The following STXBP5L variants were observed in gnomAD, a reference collection of about 807,000 sequenced individuals.
STXBP5L encodes syntaxin binding protein 5L.
STXBP5L carries 65 observed loss-of-function variants against 144.5 expected under a neutral mutation model. The ratio of observed to expected loss-of-function variants is 0.45; its 90% CI spans 0.37 to 0.55. The LOEUF (loss-of-function observed/expected upper bound fraction) is 0.55, where lower values mean the gene tolerates loss of function less well. Ranked by LOEUF, STXBP5L falls within the 20% of genes least tolerant of loss-of-function variation. The pLI, the probability that STXBP5L is intolerant of heterozygous loss-of-function variation, is 0.00. For synonymous variants in STXBP5L, 505 were observed against 469.6 expected, an observed-to-expected ratio of 1.08 and a Z score of -0.97; for missense variants, 1,298 against 1,405.5, an observed-to-expected ratio of 0.92 and a Z score of 1.22.
chr3:121,276,741 A>AT (rs1240468163), intron 18 of STXBP5L, among the ~76,000 whole-genome samples: 2 of 150,948 alleles, frequency 1.3e-5, no homozygotes, highest in Non-Finnish European at 2.9e-5. Context: ...CATGTAATAA[A>AT]TTTTTTTATC....
chr3:121,347,556 C>T (rs1160892807), intron 20 of STXBP5L, among the ~76,000 whole-genome samples: 1 of 152,128 alleles, frequency 6.6e-6, no homozygotes, highest in Non-Finnish European at 1.5e-5. Context: ...GGCAGTATGG[C>T]CATTTTCACG....
At chr3:120,928,290 T>C (rs1559880122) in intron 2 of STXBP5L, among the ~76,000 whole-genome samples, 1 of 151,768 alleles carries the variant, frequency 6.6e-6, no homozygotes, top group Non-Finnish European at 1.5e-5. Flanking sequence ...TGAGATGGAG[T>C]CTCACTCTGT....
At chr3:121,094,011 G>A (rs1426259799) in intron 5 of STXBP5L, among the ~76,000 whole-genome samples, 1 of 152,050 alleles carries the variant, frequency 6.6e-6, no homozygotes, top group Non-Finnish European at 1.5e-5. Context: ...CTTTATTTCT[G>A]CCTTCATTTT....
intron 20 of STXBP5L, among the ~76,000 whole-genome samples, chr3:121,345,718 G>T (rs142415085): frequency 0.023 from 3,509 of 152,078 alleles, 73 homozygotes; most frequent in South Asian, 0.04. Flanking sequence ...GCATGAGATG[G>T]TATCTCATTG....
intron 20 of STXBP5L, among the ~76,000 whole-genome samples, chr3:121,364,516 A>G (rs541740739): frequency 1.3e-5 from 2 of 151,282 alleles, no homozygotes; most frequent in Admixed American, 6.6e-5. Context: ...TAGAGGTTGC[A>G]TTGAATCCAT....
chr3:121,038,105 C>T (rs1401812125), intron 3 of STXBP5L, among the ~76,000 whole-genome samples: 1 of 151,790 alleles, frequency 6.6e-6, no homozygotes, highest in Non-Finnish European at 1.5e-5. Context: ...TTTGGTTTCA[C>T]TTTTTTTAAA....
chr3:121,313,827 CT>C (rs2043665492), intron 19 of STXBP5L, among the ~76,000 whole-genome samples: 1 of 144,654 alleles, frequency 6.9e-6, no homozygotes. Flanking sequence ...GGAGGGGCTC[CT>C]CACTTCTCAG....
chr3:121,106,236 C>G (rs1341157950), intron 5 of STXBP5L, among the ~76,000 whole-genome samples: 1 of 152,000 alleles, frequency 6.6e-6, no homozygotes, highest in Non-Finnish European at 1.5e-5. Flanking sequence ...TAATCTGGGA[C>G]AATACATTTT....
At chr3:121,401,841 A>T in intron 22 of STXBP5L, among the ~76,000 whole-genome samples, 1 of 144,296 alleles carries the variant, frequency 6.9e-6, no homozygotes. Context: ...ACATGTATAC[A>T]TATGTAACTA....
chr3:121,221,842 AT>A (rs2048981693), intron 10 of STXBP5L, among the ~76,000 whole-genome samples: 2 of 151,768 alleles, frequency 1.3e-5, no homozygotes, highest in Admixed American at 1.3e-4. Flanking sequence ...TAATACACAC[AT>A]TTTATATGTA....
At chr3:121,369,750 C>T (rs140929356) in intron 20 of STXBP5L, among the ~76,000 whole-genome samples, 1 of 152,274 alleles carries the variant, frequency 6.6e-6, no homozygotes, top group East Asian at 1.9e-4. Flanking sequence ...CCTATCCTTT[C>T]TCTCCAGCTG....
At chr3:121,103,472 A>G (rs181365725) in intron 5 of STXBP5L, among the ~76,000 whole-genome samples, 1 of 152,220 alleles carries the variant, frequency 6.6e-6, no homozygotes, top group East Asian at 1.9e-4. Context: ...TCAAGTATAC[A>G]TCGGAGCTAA....
At position 120,952,010 on chromosome 3, in the gene STXBP5L, A is replaced by G. The variant is rs555857258; in HGVS notation, c.190-2930A>G. Among the ~76,000 whole-genome samples, 682 of 151,926 alleles carry G rather than the reference A, an allele frequency of 4.5e-3. 5 individuals are homozygous for G. Among genetic ancestry groups the G allele is most frequent in the Non-Finnish European group, 7.7e-3 (522 of 67,988 alleles). ...ATGAGTTCATGTCCTTTGTAGGGAC[A>G]TGGATGAAACTGGAAATCATCATTC... On this transcript the variant is annotated intron_variant, in intron 2 of 26. Transcript: ENST00000471454.
At chr3:121,232,205 G>A (rs2049332166) in intron 11 of STXBP5L, among the ~76,000 whole-genome samples, 1 of 152,072 alleles carries the variant, frequency 6.6e-6, no homozygotes, top group South Asian at 2.1e-4. Flanking sequence ...CAAGTTCCAA[G>A]TTCCCAGTCA....
In STXBP5L at chr3:121,378,842, A is replaced by C; in HGVS notation, c.2303A>C (p.Gln768Pro). 1 of 1,613,766 alleles carries C rather than the reference A, an allele frequency of 6.2e-7. No homozygotes were observed. The highest frequency in any genetic ancestry group is 8.5e-7 in the Non-Finnish European group (1 of 1,179,814). Residue 768 changes from glutamine to proline, a missense_variant, in exon 21 of 27, where the codon CAG becomes CCG. Physicochemically the swap from Gln to Pro is moderately conservative, Grantham distance 76. Transcript: ENST00000471454. ...GPGRPPFRKAQSAACMEISLP... is the reference protein window; with the variant it reads ...GPGRPPFRKAPSAACMEISLP... ...GGAAGACCACCATTTCGAAAGGCCC[A>C]GTCAGCAGCCTGCATGGAGATTTCT... is the stretch of plus-strand genomic sequence containing the variant.
chr3:121,070,805 T>C (rs1198380182), intron 5 of STXBP5L, among the ~76,000 whole-genome samples: 5 of 152,226 alleles, frequency 3.3e-5, no homozygotes, highest in Admixed American at 3.3e-4. Context: ...ACAGGCCTTT[T>C]ATGCGAGTAC....
At chr3:121,145,616 GAATAAAGAACCACAAACGTGTTAA>G (rs1362378821) in intron 7 of STXBP5L, among the ~76,000 whole-genome samples, 1 of 151,772 alleles carries the variant, frequency 6.6e-6, no homozygotes, top group East Asian at 1.9e-4. Flanking sequence ...ATGAAGAAAA[GAATAAAGAACCACAAACGTGTTAA>G]ACTAAGGAAA....
chr3:121,362,731 T>A (rs1053441371), intron 20 of STXBP5L, among the ~76,000 whole-genome samples: 1 of 152,116 alleles, frequency 6.6e-6, no homozygotes, highest in Non-Finnish European at 1.5e-5. Flanking sequence ...TCCTCCTCTG[T>A]GGCTGTGCTG....
chr3:120,995,295 G>A (rs1350082126), intron 3 of STXBP5L, among the ~76,000 whole-genome samples: 1 of 151,954 alleles, frequency 6.6e-6, no homozygotes, highest in East Asian at 1.9e-4. Context: ...TCGCAGGAGT[G>A]TTCCACCATG....
Sources: gnomAD v4.1 joint callset for allele counts (sites outside exome capture counted in the v4.1 genomes callset) on GRCh38, gnomAD v4.1.1 for gene constraint, MANE v1.5 for transcripts, NCBI Gene and HGNC (gene_info 2026-07-23, HGNC 2026-07-21) for gene names.